Variants in SUGT1 observed in about 807,000 individuals in gnomAD.
SUGT1 encodes the protein protein SGT1 homolog.
Under a neutral mutation model 56.1 loss-of-function variants are expected in SUGT1, and 15 were observed. The ratio of observed to expected loss-of-function variants is 0.27; its 90% CI spans 0.18 to 0.41. The LOEUF (loss-of-function observed/expected upper bound fraction) is 0.41. Ranked by LOEUF, SUGT1 falls within the 10% of genes least tolerant of loss-of-function variation. The pLI, the probability that SUGT1 is intolerant of heterozygous loss-of-function variation, is 1.00. For synonymous variants in SUGT1, 123 were observed against 128.6 expected, an observed-to-expected ratio of 0.96 and a Z score of 0.30; for missense variants, 347 against 382.2, an observed-to-expected ratio of 0.91 and a Z score of 0.77.
rs1681192055 is a variant in SUGT1, at chr13:52,658,384, T to C, written c.188-15T>C. 1 of 1,610,636 alleles carries C rather than the reference T, an allele frequency of 6.2e-7. No individual in the cohort carries two copies. Among genetic ancestry groups the C allele is most frequent in the Non-Finnish European group, 8.5e-7 (1 of 1,179,124 alleles). ...CTATAAATAACTGACTAAAAACCCG[T>C]CTTTTTCTACACAGTTGCTGTTGCT... On this transcript the variant is annotated splice_polypyrimidine_tract_variant and intron_variant, in intron 3 of 12. Coordinates refer to ENST00000310528, the MANE Select transcript of SUGT1 (RefSeq NM_006704.5).
intron 10 of SUGT1, among the ~76,000 whole-genome samples, chr13:52,673,903 TTAAAG>T (rs780649848): frequency 1.5e-4 from 23 of 151,604 alleles, no homozygotes; most frequent in Non-Finnish European, 2.4e-4. Flanking sequence ...CAGTGACAAC[TTAAAG>T]TAACCAGAAT....
chr13:52,671,201 GTGA>G (rs970388715), intron 10 of SUGT1, among the ~76,000 whole-genome samples: 1 of 151,664 alleles, frequency 6.6e-6, no homozygotes, highest in African/African-American at 2.4e-5. Flanking sequence ...TACAGTGGTG[GTGA>G]TAATAGTGAG....
In SUGT1 at chr13:52,690,141, C is replaced by T. The variant is rs1222178243; in HGVS notation, c.*2306C>T. Reference sequence around the variant, plus strand: ...ATGACTGAAAGCATTATAAAACATACCTTGTCAAATACATTAGATTCATTA... The same window carrying T: ...ATGACTGAAAGCATTATAAAACATATCTTGTCAAATACATTAGATTCATTA... On this transcript the variant is annotated 3_prime_UTR_variant, in exon 13 of 13. Coordinates refer to ENST00000310528, the MANE Select transcript of SUGT1 (RefSeq NM_006704.5). 1 of 152,078 alleles carries T rather than the reference C, an allele frequency of 6.6e-6. No individual in the cohort carries two copies. Among genetic ancestry groups the T allele is most frequent in the South Asian group, 2.1e-4 (1 of 4,834 alleles). The allele number at this position is 152,078 out of a possible 1,614,324, so 9.4% of individuals were successfully genotyped here.
intron 12 of SUGT1, among the ~76,000 whole-genome samples, chr13:52,686,798 C>T (rs755153358): frequency 2.6e-5 from 4 of 151,978 alleles, no homozygotes; most frequent in Non-Finnish European, 4.4e-5. Context: ...GGGCTGGGTG[C>T]GGTGGCTCAT....
rs559420984 is a variant in SUGT1 at position 52,687,868 on chromosome 13, A to T, written c.*33A>T. 7.1e-7 allele frequency: 1 copy of T among 1,406,228 alleles called. No individual in the cohort carries two copies. Among genetic ancestry groups the T allele is most frequent in the South Asian group, 1.4e-5 (1 of 73,374 alleles). The allele number at this position is 1,406,228 out of a possible 1,614,324, so 87.1% of individuals were successfully genotyped here. A position where few individuals can be genotyped will look rare whatever the true frequency, so the allele number is the denominator to read the frequency against. On this transcript the variant is annotated 3_prime_UTR_variant, in exon 13 of 13. Transcript: ENST00000310528. ...AATTTGCTCTCATCGTATTGTGTAT[A>T]TTCACCTAATGCCCATTGTGTATTG...
rs1440681596 is a variant in SUGT1 at position 52,698,889 on chromosome 13, C to T, written c.*11054C>T. ...GCTTATTTTTAAAAATGTAGACCTTCATTACTTTCCTCCTGAGATTTTGAA... is the reference window on the plus strand; with the variant it reads ...GCTTATTTTTAAAAATGTAGACCTTTATTACTTTCCTCCTGAGATTTTGAA... On this transcript the variant is annotated 3_prime_UTR_variant, in exon 13 of 13. Coordinates refer to ENST00000310528, the MANE Select transcript of SUGT1 (RefSeq NM_006704.5). The T allele has an allele frequency of 2.6e-5, 4 of 152,154 alleles. No homozygotes were observed. Among genetic ancestry groups the T allele is most frequent in the Non-Finnish European group, 5.9e-5 (4 of 68,032 alleles). The allele number at this position is 152,154 out of a possible 1,614,324, so 9.4% of individuals were successfully genotyped here.
intron 5 of SUGT1, among the ~76,000 whole-genome samples, chr13:52,659,690 G>C (rs1391820017): frequency 6.7e-6 from 1 of 150,106 alleles, no homozygotes; most frequent in Non-Finnish European, 1.5e-5. Flanking sequence ...ACACAGTTTT[G>C]AGAGTATTGT....
chr13:52,696,874 C>T lies in SUGT1; in HGVS notation c.*9039C>T, dbSNP rs1308080897. On this transcript the variant is annotated 3_prime_UTR_variant, in exon 13 of 13. Transcript: ENST00000310528. ...TTAACTACATTGTTAGAGGTAGTAA[C>T]AGTTATATAACTAATCAAAACCAGT... The T allele has an allele frequency of 1.4e-5, 2 of 142,774 alleles. No homozygotes were observed. The highest frequency in any genetic ancestry group is 4.2e-4 in the East Asian group (2 of 4,790). The allele number at this position is 142,774 out of a possible 1,614,324, so 8.8% of individuals were successfully genotyped here. A position where few individuals can be genotyped will look rare whatever the true frequency, so the allele number is the denominator to read the frequency against.
At chr13:52,678,792 C>A (rs989650032) in intron 11 of SUGT1, among the ~76,000 whole-genome samples, 2 of 151,630 alleles carry the variant, frequency 1.3e-5, no homozygotes, top group Non-Finnish European at 2.9e-5. Context: ...AGTCCTCTAC[C>A]CCAACCTTCC....
At chr13:52,662,829 T>G (rs1594234854) in intron 6 of SUGT1, 127 bp downstream of exon 6, 1 of 998,454 alleles carries the variant, frequency 1.0e-6, no homozygotes, top group East Asian at 2.6e-5. Flanking sequence ...TCCTTAGATG[T>G]GGACTTCCAA....
At position 52,694,753 on chromosome 13, in the gene SUGT1, C is replaced by T. The variant is rs1268072274; in HGVS notation, c.*6918C>T. Reference sequence around the variant, plus strand: ...CGCCCAGGCTGGAGTGCAGTGGCGCCATTTTGGCTCACTGCAAGCTCCGCC... The same window carrying T: ...CGCCCAGGCTGGAGTGCAGTGGCGCTATTTTGGCTCACTGCAAGCTCCGCC... On this transcript the variant is annotated 3_prime_UTR_variant, in exon 13 of 13. Coordinates refer to ENST00000310528, the MANE Select transcript of SUGT1 (RefSeq NM_006704.5). 1 of 152,276 alleles carries T rather than the reference C, an allele frequency of 6.6e-6. No homozygotes were observed. The allele number at this position is 152,276 out of a possible 1,614,324, so 9.4% of individuals were successfully genotyped here.
chr13:52,661,479 G>C, intron 5 of SUGT1: 2 of 318,400 alleles, frequency 6.3e-6, no homozygotes, highest in Non-Finnish European at 1.2e-5. Context: ...TTTTAGTAGA[G>C]ACGGGGTTTC....
At position 52,696,547 on chromosome 13, in the gene SUGT1, C is replaced by T. The variant is rs1342910366; in HGVS notation, c.*8712C>T. On this transcript the variant is annotated 3_prime_UTR_variant, in exon 13 of 13. Transcript: ENST00000310528. ...AATATTGGAAGTTACTCATCCCAAA[C>T]CATAGTGTTTAAAATTGGGGTTTTT... The T allele has an allele frequency of 6.6e-6, 1 of 152,138 alleles. No individual in the cohort carries two copies. The highest frequency in any genetic ancestry group is 2.4e-5 in the African/African-American group (1 of 41,424). 9.4% of individuals were successfully genotyped at this position (152,138 alleles called of 1,614,324 possible). A position where few individuals can be genotyped will look rare whatever the true frequency, so the allele number is the denominator to read the frequency against.
chr13:52,663,093 T>C lies in SUGT1; in HGVS notation c.383-3T>C. 1 of 1,606,578 alleles carries C rather than the reference T, an allele frequency of 6.2e-7. No homozygotes were observed. Among genetic ancestry groups the C allele is most frequent in the Non-Finnish European group, 8.5e-7 (1 of 1,177,504 alleles). On this transcript the variant is annotated splice_region_variant and splice_polypyrimidine_tract_variant and intron_variant, in intron 6 of 12. Coordinates refer to ENST00000310528, the MANE Select transcript of SUGT1 (RefSeq NM_006704.5). ...AAAATGTTTCCTTTTTATGTTTTAA[T>C]AGGCTCAGAATCTGAGGTGGTAAGT...
chr13:52,663,134 T>A lies in SUGT1; in HGVS notation c.399+22T>A, dbSNP rs773033024. The A allele has an allele frequency of 5.6e-6, 9 of 1,603,782 alleles. No individual in the cohort carries two copies. The South Asian group carries it at 1.0e-4, about 18-fold the overall frequency. ...GGTGGTAAGTCCAAAGTTTTCATTC[T>A]TCATGTTTTTATTATTTTAAATTTC... On this transcript the variant is annotated intron_variant, in intron 7 of 12. Transcript: ENST00000310528.
rs1215411424 is a variant in SUGT1, at chr13:52,688,554, T to A, written c.*719T>A. ...AGCCCAACTCCACTTGCTTCTTTTA[T>A]CACGACAGGATTCTTGAAATTACAG... is the stretch of plus-strand genomic sequence containing the variant. On this transcript the variant is annotated 3_prime_UTR_variant, in exon 13 of 13. Transcript: ENST00000310528. 1 of 152,236 alleles carries A rather than the reference T, an allele frequency of 6.6e-6. No individual in the cohort carries two copies. Among genetic ancestry groups the A allele is most frequent in the Non-Finnish European group, 1.5e-5 (1 of 68,044 alleles). The allele number at this position is 152,236 out of a possible 1,614,324, so 9.4% of individuals were successfully genotyped here.
At chr13:52,672,034 C>G (rs1406402211) in intron 10 of SUGT1, among the ~76,000 whole-genome samples, 1 of 152,098 alleles carries the variant, frequency 6.6e-6, no homozygotes, top group Non-Finnish European at 1.5e-5. Context: ...ATGTAGCATG[C>G]AGGATATGTA....
intron 2 of SUGT1, among the ~76,000 whole-genome samples, chr13:52,654,350 C>A (rs746180878): frequency 1.3e-5 from 2 of 152,186 alleles, no homozygotes; most frequent in Non-Finnish European, 2.9e-5. Flanking sequence ...CGTGTTAGAC[C>A]TAGTGCTTCC....
At chr13:52,679,275 C>T (rs1480092177) in intron 11 of SUGT1, among the ~76,000 whole-genome samples, 2 of 152,174 alleles carry the variant, frequency 1.3e-5, no homozygotes, top group African/African-American at 2.4e-5. Context: ...GGGCCAGTAG[C>T]CTCTCTCGCT....
Sources: gnomAD v4.1 joint callset for allele counts (sites outside exome capture counted in the v4.1 genomes callset) on GRCh38, gnomAD v4.1.1 for gene constraint, MANE v1.5 for transcripts, NCBI Gene and HGNC (gene_info 2026-07-23, HGNC 2026-07-21) for gene names.